The following DPY19L3 variants were observed in gnomAD, a reference collection of about 807,000 sequenced individuals.
The protein encoded by DPY19L3 is protein C-mannosyl-transferase DPY19L3.
A neutral mutation model predicts 92.3 loss-of-function variants in DPY19L3; 51 were observed. The ratio of observed to expected loss-of-function variants is 0.55; its 90% CI spans 0.44 to 0.70. The LOEUF is 0.70. Among genes scored for constraint, DPY19L3 ranks in the 30% least tolerant of loss-of-function variants. The probability of loss-of-function intolerance (pLI) is 0.00; values close to 1 mark genes in which losing one functional copy is unlikely to be tolerated. For missense variants in DPY19L3, 706 were observed against 855.9 expected (o/e 0.82, Z 2.18); for synonymous variants, 309 against 315.2 (o/e 0.98, Z 0.21).
intron 15 of DPY19L3, among the ~76,000 whole-genome samples, chr19:32,465,558 A>G (rs1331689190): frequency 6.6e-6 from 1 of 152,078 alleles, no homozygotes; most frequent in Non-Finnish European, 1.5e-5. Flanking sequence ...TTCAAACTCT[A>G]CTGTGTAGAA....
At chr19:32,407,269 C>CCA (rs1181957786) in intron 1 of DPY19L3, among the ~76,000 whole-genome samples, 7 of 124,646 alleles carry the variant, frequency 5.6e-5, no homozygotes, top group Admixed American at 1.6e-4. Context: ...CCTGCTCCCC[C>CCA]CCACCCATTA....
chr19:32,440,819 T>C (rs906686725), intron 8 of DPY19L3, among the ~76,000 whole-genome samples: 1 of 152,052 alleles, frequency 6.6e-6, no homozygotes, highest in African/African-American at 2.4e-5. Context: ...GCAATACTGA[T>C]ATATCTAAAA....
intron 1 of DPY19L3, among the ~76,000 whole-genome samples, chr19:32,407,264 T>TCCCCCC (rs148363125): frequency 1.2e-5 from 1 of 81,320 alleles, no homozygotes; most frequent in Admixed American, 1.4e-4. Context: ...AGGCTCCTGC[T>TCCCCCC]CCCCCCCACC....
At chr19:32,409,316 T>C (rs1244392964) in intron 2 of DPY19L3, among the ~76,000 whole-genome samples, 1 of 152,252 alleles carries the variant, frequency 6.6e-6, no homozygotes, top group Admixed American at 6.5e-5. Context: ...ACGTGCTGTT[T>C]TGTAGCTTGC....
chr19:32,430,059 G>A (rs917848561), intron 3 of DPY19L3, among the ~76,000 whole-genome samples: 2 of 152,188 alleles, frequency 1.3e-5, no homozygotes, highest in African/African-American at 4.8e-5. Context: ...GTATCATTAT[G>A]TAGTAGCCTT....
intron 8 of DPY19L3, among the ~76,000 whole-genome samples, chr19:32,446,529 A>G (rs1969503973): frequency 6.6e-6 from 1 of 152,236 alleles, no homozygotes; most frequent in Admixed American, 6.5e-5. Flanking sequence ...GGAAAAAGAT[A>G]CAACATGCAA....
intron 3 of DPY19L3, among the ~76,000 whole-genome samples, chr19:32,431,851 T>G (rs1477424146): frequency 1.3e-5 from 2 of 152,234 alleles, no homozygotes; most frequent in African/African-American, 4.8e-5. Context: ...TAAGTAATCA[T>G]TTTGTTATAC....
At chr19:32,440,895 G>A (rs1285377807) in intron 8 of DPY19L3, among the ~76,000 whole-genome samples, 1 of 152,098 alleles carries the variant, frequency 6.6e-6, no homozygotes, top group Non-Finnish European at 1.5e-5. Context: ...GGACCACCTA[G>A]ATCACAAGTG....
intron 4 of DPY19L3, among the ~76,000 whole-genome samples, chr19:32,435,961 GGCAAGA>G (rs1969124317): frequency 6.6e-6 from 1 of 152,236 alleles, no homozygotes; most frequent in African/African-American, 2.4e-5. Context: ...CATGGCAGAG[GGCAAGA>G]GCAAGAGCTG....
At chr19:32,426,428 C>T (rs1968767094) in intron 3 of DPY19L3, among the ~76,000 whole-genome samples, 1 of 152,228 alleles carries the variant, frequency 6.6e-6, no homozygotes, top group Non-Finnish European at 1.5e-5. Context: ...CTCTTTGGCA[C>T]AGGAGGCCTA....
chr19:32,448,381 A>G (rs1969587128), intron 8 of DPY19L3, among the ~76,000 whole-genome samples: 1 of 152,200 alleles, frequency 6.6e-6, no homozygotes, highest in African/African-American at 2.4e-5. Context: ...CCCTTAAACA[A>G]CACAGGGGCT....
intron 17 of DPY19L3, among the ~76,000 whole-genome samples, chr19:32,478,336 A>G (rs1970574788): frequency 1.3e-5 from 2 of 152,228 alleles, no homozygotes; most frequent in South Asian, 2.1e-4. Context: ...TGTGCAGAAG[A>G]GCGCATTTGG....
chr19:32,417,394 A>T (rs148726757), intron 3 of DPY19L3, among the ~76,000 whole-genome samples: 4 of 152,222 alleles, frequency 2.6e-5, no homozygotes, highest in African/African-American at 9.6e-5. Flanking sequence ...ATCTCAGCTC[A>T]CTGCAGCCTC....
intron 3 of DPY19L3, among the ~76,000 whole-genome samples, chr19:32,423,237 T>C (rs1968634269): frequency 6.6e-6 from 1 of 151,992 alleles, no homozygotes; most frequent in African/African-American, 2.4e-5. Flanking sequence ...GTCTTGTCAT[T>C]AATTTTATTT....
chr19:32,474,177 C>T (rs1344583227), intron 16 of DPY19L3, among the ~76,000 whole-genome samples: 2 of 152,234 alleles, frequency 1.3e-5, no homozygotes, highest in Non-Finnish European at 2.9e-5. Context: ...AAGCCAAGTC[C>T]TCAGTGAAAG....
In DPY19L3 at chr19:32,480,475, T is replaced by A. The variant is rs764884509; in HGVS notation, c.1907T>A (p.Ile636Asn). The change falls in exon 18 of 19, where the codon ATC becomes AAC. Residue 636 changes from isoleucine to asparagine, a missense_variant. Transcript: ENST00000392250. ...AGGTCCTTCGGCACTGACTACGTAA[T>A]CCTGGAAGACAGCATCTGCTACGAG... ...LLRSFGTDYVILEDSICYERR... is the reference protein window; with the variant it reads ...LLRSFGTDYVNLEDSICYERR... 6.2e-7 allele frequency: 1 copy of A among 1,614,170 alleles called. No individual in the cohort carries two copies. The highest frequency in any genetic ancestry group is 8.5e-7 in the Non-Finnish European group (1 of 1,180,022).
At chr19:32,478,075 A>G (rs1970565747) in intron 17 of DPY19L3, among the ~76,000 whole-genome samples, 1 of 152,186 alleles carries the variant, frequency 6.6e-6, no homozygotes, top group South Asian at 2.1e-4. Context: ...CTACCACATC[A>G]TGTGGGACTT....
intron 3 of DPY19L3, among the ~76,000 whole-genome samples, chr19:32,426,425 G>A (rs1214014233): frequency 1.3e-5 from 2 of 152,132 alleles, no homozygotes; most frequent in Non-Finnish European, 2.9e-5. Context: ...TGGCTCTTTG[G>A]CACAGGAGGC....
intron 12 of DPY19L3, 107 bp from the exon 13 acceptor site, chr19:32,463,259 A>G (rs1289824247): frequency 3.2e-6 from 4 of 1,240,538 alleles, no homozygotes; most frequent in East Asian, 2.6e-5. Context: ...GAAATAATCA[A>G]TTTCTGAATA....
Sources: gnomAD v4.1 joint callset for allele counts (sites outside exome capture counted in the v4.1 genomes callset) on GRCh38, gnomAD v4.1.1 for gene constraint, MANE v1.5 for transcripts, NCBI Gene and HGNC (gene_info 2026-07-23, HGNC 2026-07-21) for gene names.